Variants in SNTG1 observed in about 807,000 individuals in gnomAD.
SNTG1 encodes gamma-1-syntrophin.
SNTG1 carries 39 observed loss-of-function variants against 74.7 expected under a neutral mutation model. The ratio of observed to expected loss-of-function variants is 0.52; its 90% CI spans 0.40 to 0.68. SNTG1 has a LOEUF of 0.68. Among genes scored for constraint, SNTG1 ranks in the 30% least tolerant of loss-of-function variants. The probability of loss-of-function intolerance (pLI) is 0.00; values close to 1 mark genes in which losing one functional copy is unlikely to be tolerated. For synonymous variants in SNTG1, 254 were observed against 217.1 expected (o/e 1.17, Z -1.49); for missense variants, 685 against 609.5 (o/e 1.12, Z -1.30).
At chr8:50,425,758 T>C (rs997248028) in intron 4 of SNTG1, among the ~76,000 whole-genome samples, 6 of 152,186 alleles carry the variant, frequency 3.9e-5, no homozygotes, top group Middle Eastern at 3.4e-3. Context: ...CTGAATTATA[T>C]GAAAGAAAGG....
chr8:50,465,554 C>A (rs58976184), intron 8 of SNTG1, among the ~76,000 whole-genome samples: 4,808 of 152,240 alleles, frequency 0.032, 249 homozygotes, highest in African/African-American at 0.11. Context: ...GTTACAATGT[C>A]ATACAGAATA....
At position 49,911,548 on chromosome 8, in the gene SNTG1, C is replaced by T. The variant is rs1286540813; in HGVS notation, c.-786C>T. Reference sequence around the variant, plus strand: ...GTTAATTTGGAGAAACAATTAGCCCCTACAAAAAAAAAAAAGAAAGAAAAA... The same window carrying T: ...GTTAATTTGGAGAAACAATTAGCCCTTACAAAAAAAAAAAAGAAAGAAAAA... On this transcript the variant is annotated 5_prime_UTR_variant, in exon 1 of 19. Transcript: ENST00000642720. 7.4e-6 allele frequency: 1 copy of T among 135,866 alleles called. No homozygotes were observed. The highest frequency in any genetic ancestry group is 1.5e-5 in the Non-Finnish European group (1 of 64,884). 8.4% of individuals were successfully genotyped at this position (135,866 alleles called of 1,614,324 possible). A position where few individuals can be genotyped will look rare whatever the true frequency, so the allele number is the denominator to read the frequency against.
chr8:50,095,151 C>T (rs535829424), intron 1 of SNTG1, among the ~76,000 whole-genome samples: 20 of 152,166 alleles, frequency 1.3e-4, no homozygotes, highest in Admixed American at 1.2e-3. Context: ...TCAGGGTCTA[C>T]TTCAGGGTGG....
chr8:50,669,064 A>G (rs1350493736), intron 15 of SNTG1, among the ~76,000 whole-genome samples: 1 of 152,138 alleles, frequency 6.6e-6, no homozygotes, highest in African/African-American at 2.4e-5. Context: ...TTATAGCAAT[A>G]AATGCCCACA....
chr8:50,713,656 G>C (rs772545201), intron 17 of SNTG1, among the ~76,000 whole-genome samples: 3 of 152,014 alleles, frequency 2.0e-5, no homozygotes, highest in African/African-American at 4.8e-5. Flanking sequence ...TAAGTCTTAC[G>C]TTTAAGTCTT....
chr8:50,451,300 A>G (rs2093454846), intron 8 of SNTG1, among the ~76,000 whole-genome samples: 1 of 152,250 alleles, frequency 6.6e-6, no homozygotes, highest in Non-Finnish European at 1.5e-5. Flanking sequence ...GGATGTGCAT[A>G]GTTTATATGC....
chr8:50,196,846 G>A (rs555034930), intron 2 of SNTG1, among the ~76,000 whole-genome samples: 3 of 151,642 alleles, frequency 2.0e-5, no homozygotes, highest in African/African-American at 7.3e-5. Context: ...GTCAGGCATA[G>A]TGATGTGCAC....
chr8:50,127,940 A>T (rs73573569), intron 1 of SNTG1, among the ~76,000 whole-genome samples: 12,037 of 152,152 alleles, frequency 0.079, 1,528 homozygotes, highest in African/African-American at 0.27. Flanking sequence ...TTCTGTATTC[A>T]ATAGGTGGCT....
intron 2 of SNTG1, among the ~76,000 whole-genome samples, chr8:50,322,492 G>T (rs1003530342): frequency 6.6e-6 from 1 of 152,058 alleles, no homozygotes; most frequent in South Asian, 2.1e-4. Context: ...GAGTTTGATT[G>T]TTAAATGTCT....
chr8:50,736,987 A>C (rs2095530528), intron 17 of SNTG1, among the ~76,000 whole-genome samples: 1 of 152,114 alleles, frequency 6.6e-6, no homozygotes, highest in South Asian at 2.1e-4. Context: ...ATACCCTATC[A>C]GCACAATTAA....
chr8:50,149,517 G>C (rs2081989877), intron 1 of SNTG1, among the ~76,000 whole-genome samples: 1 of 152,072 alleles, frequency 6.6e-6, no homozygotes, highest in Non-Finnish European at 1.5e-5. Context: ...GGGTTTTTAT[G>C]GTTTCAGGTC....
At chr8:50,015,287 G>A (rs1002702542) in intron 1 of SNTG1, among the ~76,000 whole-genome samples, 1 of 151,984 alleles carries the variant, frequency 6.6e-6, no homozygotes, top group Non-Finnish European at 1.5e-5. Flanking sequence ...CAACAGATTT[G>A]AATAGGAGGA....
chr8:49,962,442 A>G (rs1371938635), intron 1 of SNTG1, among the ~76,000 whole-genome samples: 2 of 151,990 alleles, frequency 1.3e-5, no homozygotes, highest in Admixed American at 1.3e-4. Flanking sequence ...TATCACATAT[A>G]AATGAGTCAG....
chr8:50,421,058 G>C (rs377677345), intron 4 of SNTG1, among the ~76,000 whole-genome samples: 5,642 of 107,804 alleles, frequency 0.052, 1,224 homozygotes, highest in Middle Eastern at 0.12. Context: ...GGGGAGGGGG[G>C]GGCGAAGATA....
intron 2 of SNTG1, among the ~76,000 whole-genome samples, chr8:50,238,074 G>T (rs144262099): frequency 0.011 from 1,697 of 152,196 alleles, 34 homozygotes; most frequent in African/African-American, 0.039. Flanking sequence ...ACTGCCCAAA[G>T]CAGTTTCTAG....
intron 12 of SNTG1, among the ~76,000 whole-genome samples, chr8:50,589,993 A>G (rs948883192): frequency 6.6e-6 from 1 of 152,112 alleles, no homozygotes; most frequent in Non-Finnish European, 1.5e-5. Flanking sequence ...TTGCTAGTAA[A>G]TCTGTTCTTG....
chr8:50,380,335 G>A (rs947585575), intron 2 of SNTG1, among the ~76,000 whole-genome samples: 5 of 152,188 alleles, frequency 3.3e-5, no homozygotes, highest in African/African-American at 1.2e-4. Flanking sequence ...GGCATAACCT[G>A]AAGATGTGAA....
chr8:50,186,281 T>G (rs1031455493), intron 2 of SNTG1, among the ~76,000 whole-genome samples: 1 of 152,188 alleles, frequency 6.6e-6, no homozygotes, highest in African/African-American at 2.4e-5. Context: ...TCCATGTCTT[T>G]GCTATTGTAA....
At chr8:49,986,684 G>C (rs190526014) in intron 1 of SNTG1, among the ~76,000 whole-genome samples, 64 of 140,682 alleles carry the variant, frequency 4.5e-4, no homozygotes, top group African/African-American at 1.6e-3. Flanking sequence ...ACCAGCCTGG[G>C]AAACACCATA....
Sources: gnomAD v4.1 joint callset for allele counts (sites outside exome capture counted in the v4.1 genomes callset) on GRCh38, gnomAD v4.1.1 for gene constraint, MANE v1.5 for transcripts, NCBI Gene and HGNC (gene_info 2026-07-23, HGNC 2026-07-21) for gene names.